Variants in ADORA2B observed in about 807,000 individuals in gnomAD.
ADORA2B encodes the protein adenosine A2b receptor, also known as adenosine receptor A2b.
A neutral mutation model predicts 20.8 loss-of-function variants in ADORA2B; 18 were observed. The observed-to-expected ratio is 0.87, with a 90% CI of 0.60 to 1.29. The LOEUF (loss-of-function observed/expected upper bound fraction) is 1.29, where lower values mean the gene tolerates loss of function less well. Ranked by LOEUF, ADORA2B falls within the 50% of genes most tolerant of loss-of-function variation. The pLI is 0.00. For synonymous variants in ADORA2B, 179 were observed against 178.3 expected, an observed-to-expected ratio of 1.00 and a Z score of -0.03; for missense variants, 441 against 422.7, an observed-to-expected ratio of 1.04 and a Z score of -0.38.
chr17:15,934,838 G>A, the ADORA2B span, among the ~76,000 whole-genome samples: 29 of 151,944 alleles, frequency 1.9e-4, no homozygotes, highest in South Asian at 1.0e-3. Context: ...ACAGAGTCTC[G>A]CCCTGTTGCC....
the ADORA2B span, among the ~76,000 whole-genome samples, chr17:15,910,590 TGCCCG>T: frequency 6.6e-6 from 1 of 152,200 alleles, no homozygotes; most frequent in African/African-American, 2.4e-5. Flanking sequence ...TGAGCCACCG[TGCCCG>T]GCCTACAAAT....
chr17:15,881,289 G>T, the ADORA2B span, among the ~76,000 whole-genome samples: 1 of 152,002 alleles, frequency 6.6e-6, no homozygotes, highest in South Asian at 2.1e-4. Context: ...TTTTAGTAGA[G>T]ACGGGGTTTC....
rs1223547988 is a variant in ADORA2B, at chr17:15,975,475, C to G, written c.*133C>G. The G allele has an allele frequency of 6.0e-6, 5 of 839,736 alleles. No homozygotes were observed. Among genetic ancestry groups the G allele is most frequent in the Non-Finnish European group, 5.5e-6 (3 of 544,714 alleles). 52.0% of individuals were successfully genotyped at this position (839,736 alleles called of 1,614,324 possible). ...GCCTCTCTTGAGCACTTCCCTGGAG[C>G]TACCACGTATCTAGCTAATATGTAT... On this transcript the variant is annotated 3_prime_UTR_variant, in exon 2 of 2. Transcript: ENST00000304222.
chr17:15,866,216 A>G, the ADORA2B span, among the ~76,000 whole-genome samples: 1 of 149,318 alleles, frequency 6.7e-6, no homozygotes, highest in Admixed American at 6.7e-5. Context: ...CATACATTCT[A>G]GGATAGTACC....
intron 1 of ADORA2B, among the ~76,000 whole-genome samples, chr17:15,968,104 T>C (rs1278690403): frequency 2.0e-5 from 3 of 152,158 alleles, no homozygotes; most frequent in African/African-American, 7.2e-5. Context: ...GGAAGATATA[T>C]TTTTAGTTAT....
the ADORA2B span, among the ~76,000 whole-genome samples, chr17:15,902,470 T>G: frequency 6.6e-6 from 1 of 152,380 alleles, no homozygotes; most frequent in Non-Finnish European, 1.5e-5. Context: ...AGTGCTGGGA[T>G]TACAGGCATG....
chr17:15,929,929 G>A, the ADORA2B span, among the ~76,000 whole-genome samples: 21 of 152,268 alleles, frequency 1.4e-4, no homozygotes, highest in Admixed American at 1.4e-3. Flanking sequence ...GATGAGAAAG[G>A]TGAGGTGAAT....
the ADORA2B span, among the ~76,000 whole-genome samples, chr17:15,892,285 C>T: frequency 2.6e-5 from 4 of 152,154 alleles, no homozygotes; most frequent in Non-Finnish European, 5.9e-5. Context: ...TCTCCTGCCT[C>T]AGCCTTCTGA....
At chr17:15,929,285 T>C in the ADORA2B span, among the ~76,000 whole-genome samples, 2 of 152,052 alleles carry the variant, frequency 1.3e-5, no homozygotes, top group African/African-American at 4.8e-5. Context: ...GACAGTGGTG[T>C]GGAATATGAA....
the ADORA2B span, among the ~76,000 whole-genome samples, chr17:15,862,845 C>T: frequency 6.7e-6 from 1 of 149,086 alleles, no homozygotes; most frequent in Non-Finnish European, 1.5e-5. Flanking sequence ...CTCACTGCAA[C>T]CTCTGCCTCG....
At chr17:15,900,565 G>C in the ADORA2B span, among the ~76,000 whole-genome samples, 18 of 152,020 alleles carry the variant, frequency 1.2e-4, no homozygotes, top group African/African-American at 4.1e-4. Context: ...TCCCACCTCA[G>C]CCTCCCAAGT....
At chr17:15,861,337 G>C in the ADORA2B span, among the ~76,000 whole-genome samples, 13 of 152,186 alleles carry the variant, frequency 8.5e-5, 1 homozygote, top group Non-Finnish European at 1.3e-4. Context: ...CCTAAGGCCA[G>C]GGACTCTGCC....
chr17:15,868,444 T>C, the ADORA2B span, among the ~76,000 whole-genome samples: 4 of 139,354 alleles, frequency 2.9e-5, 1 homozygote, highest in African/African-American at 7.6e-5. Context: ...GTCTTTCCTC[T>C]AATGGTTAGT....
chr17:15,876,912 T>C, the ADORA2B span, among the ~76,000 whole-genome samples: 1 of 152,228 alleles, frequency 6.6e-6, no homozygotes, highest in Non-Finnish European at 1.5e-5. Context: ...AATACTGACC[T>C]GCCATTCCCC....
upstream of ADORA2B, among the ~76,000 whole-genome samples, chr17:15,942,551 A>T (rs1442599798): frequency 6.6e-6 from 1 of 152,166 alleles, no homozygotes; most frequent in African/African-American, 2.4e-5. Flanking sequence ...AGGTTTCCTG[A>T]TGGAGGTTGG....
the ADORA2B span, among the ~76,000 whole-genome samples, chr17:15,922,777 G>T: frequency 6.6e-6 from 1 of 152,216 alleles, no homozygotes; most frequent in Non-Finnish European, 1.5e-5. Flanking sequence ...GTGGGAGCTG[G>T]ATTAACTTGT....
the ADORA2B span, chr17:15,860,916 G>A: frequency 6.4e-6 from 1 of 156,550 alleles, no homozygotes; most frequent in Non-Finnish European, 1.4e-5. Flanking sequence ...CCCACTCTCT[G>A]GACTTTGGGG....
At chr17:15,945,636 G>C in intron 1 of ADORA2B, 53 bp downstream of exon 1, 3 of 1,413,686 alleles carry the variant, frequency 2.1e-6, no homozygotes, top group Non-Finnish European at 2.8e-6. Context: ...CTCCGAAATG[G>C]GTCGTCTTCT....
At chr17:15,900,981 C>T in the ADORA2B span, among the ~76,000 whole-genome samples, 9 of 152,172 alleles carry the variant, frequency 5.9e-5, no homozygotes, top group Admixed American at 1.3e-4. Flanking sequence ...GTCCCCAGGA[C>T]TGCCATGTCT....
Sources: allele counts gnomAD v4.1 joint callset (sites outside exome capture counted in the v4.1 genomes callset), GRCh38; gene constraint gnomAD v4.1.1; transcripts MANE v1.5; gene names NCBI Gene and HGNC (gene_info 2026-07-23, HGNC 2026-07-21).